CASP14: variants seen among roughly 807,000 people sequenced by gnomAD.
CASP14 encodes caspase-14.
Under a neutral mutation model 28.4 loss-of-function variants are expected in CASP14, and 27 were observed. The ratio of observed to expected loss-of-function variants is 0.95; its 90% CI spans 0.70 to 1.31. The LOEUF (loss-of-function observed/expected upper bound fraction) is 1.31. CASP14 is among the 50% of genes most tolerant of loss of function. The probability of loss-of-function intolerance (pLI) is 0.00; values close to 1 mark genes in which losing one functional copy is unlikely to be tolerated. For synonymous variants in CASP14, 115 were observed against 118.6 expected, an observed-to-expected ratio of 0.97 and a Z score of 0.20; for missense variants, 323 against 312.8, an observed-to-expected ratio of 1.03 and a Z score of -0.25.
chr19:15,057,119 C>A lies in CASP14; in HGVS notation c.*1030C>A, dbSNP rs567566819. On this transcript the variant is annotated 3_prime_UTR_variant, in exon 7 of 7. Transcript: ENST00000427043. The stretch of plus-strand genomic sequence containing the variant: ...CCAAGGTTACCTCCAGGTAACCTTG[C>A]AGCACCAGGCTGGAAGTCAGATCGG... The A allele has an allele frequency of 6.6e-6, 1 of 152,280 alleles. No homozygotes were observed. Among genetic ancestry groups the A allele is most frequent in the African/African-American group, 2.4e-5 (1 of 41,562 alleles). The allele number at this position is 152,280 out of a possible 1,614,324, so 9.4% of individuals were successfully genotyped here.
rs1038685003 is a variant in CASP14 at position 15,055,893 on chromosome 19, G to C, written c.625-92G>C. ...GAGGCCACAACGGTCTCTCATCTTA[G>C]GACAAGAATACCCACCTGCCCCGTT... is the stretch of plus-strand genomic sequence containing the variant. On this transcript the variant is annotated intron_variant, in intron 6 of 6. Transcript: ENST00000427043. 73 of 934,004 alleles carry C rather than the reference G, an allele frequency of 7.8e-5. No homozygotes were observed. In the African/African-American group the frequency reaches 1.1e-3, roughly 14 times the overall value. 57.9% of individuals were successfully genotyped at this position (934,004 alleles called of 1,614,324 possible).
rs767938581 is a variant in CASP14, at chr19:15,056,033, A to G, written c.673A>G (p.Arg225Gly). Residue 225 changes from arginine (R) to glycine (G), a missense_variant, in exon 7 of 7, where the codon AGG becomes GGG. Arg to Gly is a moderately radical substitution (Grantham distance 125, BLOSUM62 -2). Coordinates refer to ENST00000427043, the MANE Select transcript of CASP14 (RefSeq NM_012114.3). The stretch of plus-strand genomic sequence containing the variant: ...AGAGCTGGTTCAAGAAGGAAAAGCA[A>G]GGAAAACGAACCCTGAAATCCAAAG... ...EAELVQEGKA[R>G]KTNPEIQSTL... is the part of the protein sequence containing the mutation. 3.1e-6 allele frequency: 5 copies of G among 1,609,418 alleles called. No homozygotes were observed. Among genetic ancestry groups the G allele is most frequent in the Non-Finnish European group, 4.2e-6 (5 of 1,177,776 alleles).
intron 1 of CASP14, among the ~76,000 whole-genome samples, chr19:15,049,935 G>C: frequency 6.6e-6 from 1 of 152,102 alleles, no homozygotes; most frequent in Non-Finnish European, 1.5e-5. Context: ...AGATAATGAA[G>C]TCAGGCTTTC....
rs11574687 is a variant in CASP14 at position 15,056,336 on chromosome 19, T to C, written c.*247T>C. 36,438 of 394,180 alleles carry C rather than the reference T, an allele frequency of 0.092. 2,189 individuals carry two copies. Among genetic ancestry groups the C allele is most frequent in the African/African-American group, 0.21 (10,169 of 48,582 alleles). 24.4% of individuals were successfully genotyped at this position (394,180 alleles called of 1,614,324 possible). ...AGGCTGGACTTTCTATCTTTATTAA[T>C]GCAACCGAAGAGACCTAAGAGTGCA... On this transcript the variant is annotated 3_prime_UTR_variant, in exon 7 of 7. Coordinates refer to ENST00000427043, the MANE Select transcript of CASP14 (RefSeq NM_012114.3).
chr19:15,053,807 G>C lies in CASP14; in HGVS notation c.252G>C (p.Val84=), dbSNP rs1031802269. 8.7e-6 allele frequency: 14 copies of C among 1,614,102 alleles called. No individual in the cohort carries two copies. The highest frequency in any genetic ancestry group is 2.2e-5 in the East Asian group (1 of 44,862). Residue 84 remains valine, a synonymous_variant, in exon 4 of 7, where the codon GTG becomes GTC. Transcript: ENST00000427043. ...AAGATCCCGTCAGTTGTGCCTTCGT[G>C]GTACTCATGGCTCACGGGAGGGAAG... The part of the protein sequence containing the change: ...SREDPVSCAF[V]VLMAHGREGF...
At position 15,056,101 on chromosome 19, in the gene CASP14, C is replaced by T. The variant is rs773375209; in HGVS notation, c.*12C>T. The T allele has an allele frequency of 6.5e-7, 1 of 1,550,152 alleles. No individual in the cohort carries two copies. The highest frequency in any genetic ancestry group is 1.2e-5 in the South Asian group (1 of 85,638). Reference sequence around the variant, plus strand: ...TGTATCTGCAGTAGAAGTAGAAAGACCAGGAGGAGCTTTCCTTCCAGCATT... The same window carrying T: ...TGTATCTGCAGTAGAAGTAGAAAGATCAGGAGGAGCTTTCCTTCCAGCATT... On this transcript the variant is annotated 3_prime_UTR_variant, in exon 7 of 7. Coordinates refer to ENST00000427043, the MANE Select transcript of CASP14 (RefSeq NM_012114.3).
chr19:15,054,918 G>A, intron 4 of CASP14: 2 of 447,052 alleles, frequency 4.5e-6, no homozygotes, highest in South Asian at 5.1e-5. Context: ...TGGGATTACA[G>A]GTGTGAGCCA....
At position 15,055,165 on chromosome 19, in the gene CASP14, G is replaced by T. The variant is rs1477245158; in HGVS notation, c.411G>T (p.Arg137Ser). The change falls in exon 5 of 7, where the codon AGG becomes AGT. Residue 137 changes from arginine (R) to serine (S), a missense_variant. Physicochemically the swap from Arg to Ser is moderately radical, Grantham distance 110. Coordinates refer to ENST00000427043, the MANE Select transcript of CASP14 (RefSeq NM_012114.3). ...CTCTTCTTGTTGTTTCAGAACAAAG[G>T]GACCCCGGTGAAACAGTAGGTGGAG... ...YIIQACRGEQ[R>S]DPGETVGGDE... 1.9e-6 allele frequency: 3 copies of T among 1,613,512 alleles called. No individual in the cohort carries two copies. Among genetic ancestry groups the T allele is most frequent in the Non-Finnish European group, 1.7e-6 (2 of 1,179,656 alleles).
At chr19:15,055,109 T>C in intron 4 of CASP14, 49 bp from the exon 5 acceptor site, 1 of 1,482,376 alleles carries the variant, frequency 6.7e-7, no homozygotes, top group East Asian at 2.3e-5. Context: ...CCAGCCCCTT[T>C]CCTTACCTTT....
Position 15,053,484 on chromosome 19 carries a change from G to A in CASP14, c.30G>A (p.Glu10=), listed in dbSNP as rs776286537. The change falls in exon 3 of 7, where the codon GAG becomes GAA. Residue 10 remains glutamate (E), a splice_region_variant and synonymous_variant. Transcript: ENST00000427043. MSNPRSLEE[E]KYDMSGARLA... ...TTTCTGTCTTCTCTTGGCCCCAGGA[G>A]AAATATGATATGTCAGGTGCCCGCC... 2 of 1,613,980 alleles carry A rather than the reference G, an allele frequency of 1.2e-6. No homozygotes were observed. The highest frequency in any genetic ancestry group is 2.2e-5 in the East Asian group (1 of 44,884).
intron 4 of CASP14, 163 bp from the exon 5 acceptor site, chr19:15,054,995 A>G: frequency 1.6e-6 from 1 of 623,302 alleles, no homozygotes. Context: ...GCTAGAGTGT[A>G]GTGGTGCAAT....
In CASP14 at chr19:15,052,858, C is replaced by G. The variant is rs1218891310; in HGVS notation, c.27+580C>G. On this transcript the variant is annotated intron_variant, in intron 2 of 6. Transcript: ENST00000427043. ...AGGCTCAGATGGGAGCAGTGACTTC[C>G]CCCAAGTTCATACCAAGCTAGAAAA... Among the ~76,000 whole-genome samples the G allele has an allele frequency of 2.0e-5, 3 of 152,098 alleles. No homozygotes were observed. In the East Asian group the frequency reaches 5.8e-4, roughly 29 times the overall value.
In CASP14 at chr19:15,055,230, T is replaced by C; in HGVS notation, c.476T>C (p.Ile159Thr). Residue 159 changes from isoleucine (I) to threonine (T), a missense_variant, in exon 5 of 7, where the codon ATC becomes ACC. By Grantham distance (89) the Ile-to-Thr change is moderately conservative. Coordinates refer to ENST00000427043, the MANE Select transcript of CASP14 (RefSeq NM_012114.3). ...VMVIKDSPQT[I>T]PTYTDALHVY... ...GTCATCAAAGACAGCCCACAAACCA[T>C]CCCAACATACACAGATGCCTTGCAC... 1 of 1,613,904 alleles carries C rather than the reference T, an allele frequency of 6.2e-7. No individual in the cohort carries two copies. The highest frequency in any genetic ancestry group is 8.5e-7 in the Non-Finnish European group (1 of 1,179,950).
Position 15,055,254 on chromosome 19 carries a change from A to C in CASP14, c.500A>C (p.His167Pro). 1 of 1,613,966 alleles carries C rather than the reference A, an allele frequency of 6.2e-7. No individual in the cohort carries two copies. Among genetic ancestry groups the C allele is most frequent in the Non-Finnish European group, 8.5e-7 (1 of 1,179,900 alleles). ...QTIPTYTDALHVYSTVEGYIA... is the reference protein window; with the variant it reads ...QTIPTYTDALPVYSTVEGYIA... ...ATCCCAACATACACAGATGCCTTGC[A>C]CGTTTATTCCACGGTAGAGGGTATG... is the stretch of plus-strand genomic sequence containing the variant. The change falls in exon 5 of 7, where the codon CAC becomes CCC. Residue 167 changes from histidine (H) to proline (P), a missense_variant. His to Pro is a moderately conservative substitution (Grantham distance 77). Coordinates refer to ENST00000427043, the MANE Select transcript of CASP14 (RefSeq NM_012114.3).
chr19:15,057,374 A>C lies in CASP14; in HGVS notation c.*1285A>C, dbSNP rs1010021959. The C allele has an allele frequency of 2.0e-5, 3 of 152,202 alleles. No individual in the cohort carries two copies. Among genetic ancestry groups the C allele is most frequent in the Non-Finnish European group, 4.4e-5 (3 of 68,090 alleles). The allele number at this position is 152,202 out of a possible 1,614,324, so 9.4% of individuals were successfully genotyped here. A position where few individuals can be genotyped will look rare whatever the true frequency, so the allele number is the denominator to read the frequency against. ...CATCCTTCATATGCCACCAGACACC[A>C]TGCCCAGTCCAGCCTGATTTTGAAA... On this transcript the variant is annotated 3_prime_UTR_variant, in exon 7 of 7. Transcript: ENST00000427043.
intron 1 of CASP14, among the ~76,000 whole-genome samples, chr19:15,050,665 GATGA>G (rs2046086223): frequency 6.6e-6 from 1 of 152,098 alleles, no homozygotes; most frequent in South Asian, 2.1e-4. Flanking sequence ...AGAGATAATG[GATGA>G]ATGGATGGAT....
Position 15,057,413 on chromosome 19 carries a change from G to A in CASP14, c.*1324G>A, listed in dbSNP as rs3181310. ...CTGATTTTGAAACAACTTTCATGCC[G>A]GTCTTCTCTTCCCTGACATGTTACT... On this transcript the variant is annotated 3_prime_UTR_variant, in exon 7 of 7. Transcript: ENST00000427043. 0.08 allele frequency: 12,242 copies of A among 152,142 alleles called. 1,346 individuals carry two copies. The highest frequency in any genetic ancestry group is 0.25 in the African/African-American group (10,359 of 41,396). The allele number at this position is 152,142 out of a possible 1,614,324, so 9.4% of individuals were successfully genotyped here. A position where few individuals can be genotyped will look rare whatever the true frequency, so the allele number is the denominator to read the frequency against.
At position 15,057,922 on chromosome 19, in the gene CASP14, G is replaced by T. The variant is rs1444467361; in HGVS notation, c.*1833G>T. ...ATCAATCAATCAAATAAAGACCAAA[G>T]TCAAACCGCACATCAGGATCTCTCA... is the stretch of plus-strand genomic sequence containing the variant. On this transcript the variant is annotated 3_prime_UTR_variant, in exon 7 of 7. Transcript: ENST00000427043. The T allele has an allele frequency of 6.6e-6, 1 of 152,116 alleles. No individual in the cohort carries two copies. Among genetic ancestry groups the T allele is most frequent in the Non-Finnish European group, 1.5e-5 (1 of 68,072 alleles). The allele number at this position is 152,116 out of a possible 1,614,324, so 9.4% of individuals were successfully genotyped here.
rs2046116772 is a variant in CASP14 at position 15,056,172 on chromosome 19, A to G, written c.*83A>G. On this transcript the variant is annotated 3_prime_UTR_variant, in exon 7 of 7. Transcript: ENST00000427043. ...TAGAGGCAGCTCTTACCTCTCCCCAAGATCTTCTGTTCCCAAGGCCAAATG... is the reference window on the plus strand; with the variant it reads ...TAGAGGCAGCTCTTACCTCTCCCCAGGATCTTCTGTTCCCAAGGCCAAATG... 2 of 1,131,406 alleles carry G rather than the reference A, an allele frequency of 1.8e-6. No individual in the cohort carries two copies. Among genetic ancestry groups the G allele is most frequent in the East Asian group, 5.3e-5 (2 of 37,542 alleles). 70.1% of individuals were successfully genotyped at this position (1,131,406 alleles called of 1,614,324 possible). A position where few individuals can be genotyped will look rare whatever the true frequency, so the allele number is the denominator to read the frequency against.
Sources: allele counts gnomAD v4.1 joint callset (sites outside exome capture counted in the v4.1 genomes callset), GRCh38; gene constraint gnomAD v4.1.1; transcripts MANE v1.5; gene names NCBI Gene and HGNC (gene_info 2026-07-23, HGNC 2026-07-21).